BRSK2: variants seen among roughly 807,000 people sequenced by gnomAD.
BRSK2 encodes the protein BR serine/threonine kinase 2.
In BRSK2, 19 loss-of-function variants were observed where a neutral mutation model predicts 83.3. That is an observed-to-expected ratio of 0.23 (90% CI 0.16 to 0.33). The LOEUF (loss-of-function observed/expected upper bound fraction) is 0.33, where lower values mean the gene tolerates loss of function less well. Ranked by LOEUF, BRSK2 falls within the 10% of genes least tolerant of loss-of-function variation. The probability of loss-of-function intolerance (pLI) is 1.00; values close to 1 mark genes in which losing one functional copy is unlikely to be tolerated. For missense variants in BRSK2, 798 were observed against 1,042.3 expected (o/e 0.77, Z 3.23); for synonymous variants, 519 against 435.4 (o/e 1.19, Z -2.39).
chr11:1,418,243 G>A (rs1717760392), intron 1 of BRSK2, among the ~76,000 whole-genome samples: 3 of 143,414 alleles, frequency 2.1e-5, no homozygotes, highest in African/African-American at 8.0e-5. Flanking sequence ...GGGTCACACT[G>A]TGTCCTGCTT....
In BRSK2 at chr11:1,423,506, C is replaced by T. The variant is rs1177346491; in HGVS notation, c.92-12534C>T. On this transcript the variant is annotated intron_variant, in intron 1 of 19. Transcript: ENST00000528841. The surrounding 1 kb of genome is among the most constrained non-coding windows in gnomAD (Gnocchi z 6.5). ...AGGAGGTTCATGATGAAGGATGCGG[C>T]CCACAGTCGTGTGAGCAGAGGACGG... 3.9e-5 allele frequency among the ~76,000 whole-genome samples: 6 copies of T among 152,090 alleles called. No homozygotes were observed. Among genetic ancestry groups the T allele is most frequent in the South Asian group, 2.1e-4 (1 of 4,830 alleles).
chr11:1,452,244 C>G (rs1165595218), intron 15 of BRSK2, among the ~76,000 whole-genome samples: 1 of 152,174 alleles, frequency 6.6e-6, no homozygotes, highest in Non-Finnish European at 1.5e-5. Flanking sequence ...GTGCTAAGCC[C>G]CAGGAGCAGC....
intron 3 of BRSK2, among the ~76,000 whole-genome samples, chr11:1,440,248 G>A (rs1423586521): frequency 6.6e-6 from 1 of 152,144 alleles, no homozygotes; most frequent in Non-Finnish European, 1.5e-5. Context: ...ACCAGGGCAG[G>A]AAGGGGAGGG....
intron 12 of BRSK2, chr11:1,447,714 C>T (rs949447288): frequency 1.5e-6 from 2 of 1,307,946 alleles, no homozygotes; most frequent in Middle Eastern, 1.8e-4. Context: ...GAGTTCTTAC[C>T]CGGTGTGGCC....
intron 1 of BRSK2, among the ~76,000 whole-genome samples, chr11:1,396,433 C>T (rs560437521): frequency 6.6e-6 from 1 of 152,320 alleles, no homozygotes; most frequent in South Asian, 2.1e-4. Context: ...TGCGGAGTGA[C>T]CCCGGGCCCT....
At chr11:1,397,656 C>T (rs117766948) in intron 1 of BRSK2, among the ~76,000 whole-genome samples, 3,538 of 152,300 alleles carry the variant, frequency 0.023, 55 homozygotes, top group Non-Finnish European at 0.033. Context: ...AAGGTCCCAT[C>T]GGTTGGCATG....
Position 1,436,042 on chromosome 11 carries a change from C to T in BRSK2, c.94C>T (p.Leu32=). 2 of 1,604,688 alleles carry T rather than the reference C, an allele frequency of 1.2e-6. No homozygotes were observed. Among genetic ancestry groups the T allele is most frequent in the Middle Eastern group, 1.7e-4 (1 of 5,880 alleles). ...EKTLGKGQTG[L]VKLGVHCVTC... is the part of the protein sequence containing the mutation. ...GCGCGGCTGCTTCTCTCCCGCAGGTCTGGTGAAGCTGGGGGTTCACTGCGT... is the reference window on the plus strand; with the variant it reads ...GCGCGGCTGCTTCTCTCCCGCAGGTTTGGTGAAGCTGGGGGTTCACTGCGT... Residue 32 remains leucine (L), a splice_region_variant and synonymous_variant, in exon 2 of 20, where the codon CTG becomes TTG. Transcript: ENST00000528841.
At chr11:1,435,878 G>A (rs1281123930) in intron 1 of BRSK2, among the ~76,000 whole-genome samples, 162 bp from the exon 2 acceptor site, 4 of 151,810 alleles carry the variant, frequency 2.6e-5, no homozygotes, top group Non-Finnish European at 4.4e-5. Flanking sequence ...GCACTGAGCT[G>A]TTCTGGACAG....
Position 1,456,471 on chromosome 11 carries a change from G to A in BRSK2, c.1792G>A (p.Gly598Ser), listed in dbSNP as rs1383096171. ...KFQVDITYTE[G>S]GEAQKENGIY... is the part of the protein sequence containing the mutation. ...CCAGGTTGATATCACCTACACGGAG[G>A]GTGGGGAGGCGCAGAAGGAGAACGG... Residue 598 changes from glycine to serine, a missense_variant, in exon 17 of 20, where the codon GGT (glycine) becomes AGT (serine). By Grantham distance (56) the Gly-to-Ser change is moderately conservative (BLOSUM62 0). Around this residue, in one of 6 missense-constraint regions of BRSK2, gnomAD observed 455 missense variants for 455.2 expected, o/e 1.00. Coordinates refer to ENST00000528841, the MANE Select transcript of BRSK2 (RefSeq NM_001256627.2). 5.7e-6 allele frequency: 9 copies of A among 1,578,142 alleles called. No individual in the cohort carries two copies. Among genetic ancestry groups the A allele is most frequent in the African/African-American group, 1.4e-5 (1 of 74,000 alleles).
Position 1,443,423 on chromosome 11 carries a change from A to G in BRSK2, c.633+20A>G, listed in dbSNP as rs1851619561. ...CTGGTGGTGAGACCCTGGCCCCCTC[A>G]ACCCTGCCCTGGCCTCTCCCCAAAC... On this transcript the variant is annotated intron_variant, in intron 7 of 19. Transcript: ENST00000528841. 2 of 1,592,092 alleles carry G rather than the reference A, an allele frequency of 1.3e-6. No homozygotes were observed. The highest frequency in any genetic ancestry group is 3.5e-5 in the Admixed American group (2 of 57,522).
chr11:1,400,511 G>T (rs1469411908), intron 1 of BRSK2, among the ~76,000 whole-genome samples: 38 of 152,214 alleles, frequency 2.5e-4, no homozygotes, highest in Admixed American at 2.5e-3. Flanking sequence ...AGCGGCCGTG[G>T]GTACTGTCTT....
chr11:1,422,542 A>G (rs575726787), intron 1 of BRSK2, among the ~76,000 whole-genome samples: 1 of 152,100 alleles, frequency 6.6e-6, no homozygotes, highest in South Asian at 2.1e-4. Context: ...CAGTTGCTAC[A>G]GTGCCCCCAC....
At chr11:1,460,455 TTTTTCC>T (rs1212003692) in intron 19 of BRSK2, 39 bp from the exon 20 acceptor site, 8 of 1,146,306 alleles carry the variant, frequency 7.0e-6, no homozygotes, top group African/African-American at 5.8e-5. Flanking sequence ...TTTTTTTTCT[TTTTTCC>T]TTTTTTTTTT....
chr11:1,395,748 T>G (rs1380796078), intron 1 of BRSK2, among the ~76,000 whole-genome samples: 2 of 152,016 alleles, frequency 1.3e-5, no homozygotes, highest in Non-Finnish European at 2.9e-5. Flanking sequence ...GGCCCTGCTC[T>G]GCTGAGGTGC....
At chr11:1,399,189 C>T (rs1280174096) in intron 1 of BRSK2, among the ~76,000 whole-genome samples, 1 of 139,608 alleles carries the variant, frequency 7.2e-6, no homozygotes, top group Non-Finnish European at 1.6e-5. Flanking sequence ...TGTGGGCAGG[C>T]CCCCCAGGGC....
chr11:1,462,344 AGTC>A lies in BRSK2; in HGVS notation c.*1625_*1627del, dbSNP rs1221673463. On this transcript the variant is annotated 3_prime_UTR_variant, in exon 20 of 20. Coordinates refer to ENST00000528841, the MANE Select transcript of BRSK2 (RefSeq NM_001256627.2). ...GGTCTGATGCATGCCTCTGCCATGG[AGTC>A]GTCTGTCTGCTTCGGTGCCTGCCCC... 2 of 152,216 alleles carry A rather than the reference AGTC, an allele frequency of 1.3e-5. No individual in the cohort carries two copies. The highest frequency in any genetic ancestry group is 2.9e-5 in the Non-Finnish European group (2 of 68,056). 9.4% of individuals were successfully genotyped at this position (152,216 alleles called of 1,614,324 possible).
At chr11:1,393,492 C>G (rs1336832265) in intron 1 of BRSK2, among the ~76,000 whole-genome samples, 1 of 152,094 alleles carries the variant, frequency 6.6e-6, no homozygotes, top group East Asian at 1.9e-4. Context: ...GGGCTCCCTG[C>G]GAGGGAACGA....
intron 1 of BRSK2, among the ~76,000 whole-genome samples, chr11:1,403,116 C>G (rs1247519176): frequency 6.6e-6 from 1 of 152,144 alleles, no homozygotes. Flanking sequence ...TTGAGTTCCC[C>G]ATTCCACAGC....
chr11:1,398,935 G>T (rs1846292832), intron 1 of BRSK2, among the ~76,000 whole-genome samples: 1 of 152,198 alleles, frequency 6.6e-6, no homozygotes. Flanking sequence ...ACTGGCCCTT[G>T]GCACCCGCGG....
Sources: allele counts gnomAD v4.1 joint callset (sites outside exome capture counted in the v4.1 genomes callset), GRCh38; gene constraint gnomAD v4.1.1; regional missense constraint gnomAD v4.1.1; non-coding constraint Gnocchi (gnomAD v3.1); transcripts MANE v1.5; gene names NCBI Gene and HGNC (gene_info 2026-07-23, HGNC 2026-07-21).